The following CFAP47 variants were observed in gnomAD, a reference collection of about 807,000 sequenced individuals.
CFAP47 encodes cilia and flagella associated protein 47.
CFAP47 carries 29 observed loss-of-function variants against 148.1 expected under a neutral mutation model. That is an observed-to-expected ratio of 0.20 (90% CI 0.15 to 0.27). The LOEUF is 0.27. CFAP47 is among the 10% of genes least tolerant of loss of function. The probability of loss-of-function intolerance (pLI) is 1.00; values close to 1 mark genes in which losing one functional copy is unlikely to be tolerated. For synonymous variants in CFAP47, 664 were observed against 577.3 expected (o/e 1.15, Z -2.15); for missense variants, 1,872 against 1,697.5 (o/e 1.10, Z -1.81).
At chrX:36,099,546 G>A (rs187049179) in intron 31 of CFAP47, among the ~76,000 whole-genome samples, 6 of 106,775 alleles carry the variant, frequency 5.6e-5, no homozygotes, top group Admixed American at 1.1e-4. Flanking sequence ...TAGTAGGTGC[G>A]TTGAATGAAT....
intron 21 of CFAP47, among the ~76,000 whole-genome samples, chrX:36,012,841 A>G (rs1937054630): frequency 9.0e-6 from 1 of 111,652 alleles, no homozygotes; most frequent in African/African-American, 3.3e-5. Flanking sequence ...AATTAAATTA[A>G]GTTAAAAAAA....
intron 62 of CFAP47, among the ~76,000 whole-genome samples, chrX:36,374,135 A>C (rs1389033747): frequency 9.0e-6 from 1 of 110,917 alleles, no homozygotes; most frequent in Non-Finnish European, 1.9e-5. Flanking sequence ...ATCTTCTTTG[A>C]ATATTTAGTA....
intron 1 of CFAP47, among the ~76,000 whole-genome samples, chrX:35,924,161 GTA>G (rs1393128352): frequency 9.8e-6 from 1 of 101,776 alleles, no homozygotes; most frequent in African/African-American, 3.9e-5. Context: ...GTACATATAT[GTA>G]TATATGTACA....
chrX:36,136,448 C>G (rs1322798292), intron 33 of CFAP47, among the ~76,000 whole-genome samples: 1 of 110,147 alleles, frequency 9.1e-6, no homozygotes, highest in Non-Finnish European at 1.9e-5. Context: ...TTTTTCAGAT[C>G]AAAAGTTATC....
chrX:35,982,270 T>A (rs1432628815), intron 15 of CFAP47, among the ~76,000 whole-genome samples: 1 of 111,935 alleles, frequency 8.9e-6, no homozygotes, highest in East Asian at 2.8e-4. Context: ...TGATTAGTGA[T>A]GTTGAGAATT....
intron 2 of CFAP47, among the ~76,000 whole-genome samples, chrX:35,930,542 A>G (rs760222453): frequency 2.2e-4 from 24 of 111,577 alleles, no homozygotes; most frequent in Non-Finnish European, 3.0e-4. Flanking sequence ...AATTATTTAA[A>G]TGGTAGAATT....
chrX:36,046,572 T>C (rs765556369), intron 25 of CFAP47, among the ~76,000 whole-genome samples: 33 of 111,286 alleles, frequency 3.0e-4, no homozygotes, highest in Non-Finnish European at 6.2e-4. Context: ...ATCATGATGG[T>C]GATTAAGAAA....
At chrX:36,004,822 A>G (rs1936962456) in intron 21 of CFAP47, among the ~76,000 whole-genome samples, 1 of 110,823 alleles carries the variant, frequency 9.0e-6, no homozygotes, top group South Asian at 3.8e-4. Flanking sequence ...ACAATTCTGT[A>G]AATTTACTAA....
At chrX:35,959,878 C>CAAAAAAAA (rs755201291) in intron 8 of CFAP47, among the ~76,000 whole-genome samples, 2 of 30,397 alleles carry the variant, frequency 6.6e-5, no homozygotes, top group African/African-American at 2.5e-4. Context: ...GACTCCGTCT[C>CAAAAAAAA]AAAAAAAAAA....
chrX:36,355,291 A>C (rs1556018275), intron 60 of CFAP47, among the ~76,000 whole-genome samples: 1 of 111,476 alleles, frequency 9.0e-6, no homozygotes, highest in Non-Finnish European at 1.9e-5. Flanking sequence ...CTGCTATGGA[A>C]AACAGTCTAA....
At chrX:36,135,109 G>T (rs1423781743) in intron 33 of CFAP47, among the ~76,000 whole-genome samples, 3 of 110,466 alleles carry the variant, frequency 2.7e-5, no homozygotes, top group Non-Finnish European at 5.7e-5. Flanking sequence ...GCGTAAGAAT[G>T]ATACAATGGA....
intron 35 of CFAP47, among the ~76,000 whole-genome samples, chrX:36,143,165 G>C (rs1939173311): frequency 8.9e-6 from 1 of 112,429 alleles, no homozygotes; most frequent in African/African-American, 3.2e-5. Context: ...TATACTCACA[G>C]TTAGCTTTCT....
chrX:36,370,890 C>T (rs1438638024), intron 62 of CFAP47, among the ~76,000 whole-genome samples: 1 of 111,122 alleles, frequency 9.0e-6, no homozygotes, highest in Non-Finnish European at 1.9e-5. Flanking sequence ...ATACATTTTT[C>T]TTGTGTGCTG....
At chrX:36,255,176 G>GATA (rs1940735678) in intron 49 of CFAP47, among the ~76,000 whole-genome samples, 1 of 111,774 alleles carries the variant, frequency 8.9e-6, no homozygotes. Flanking sequence ...ACTAGGCAAT[G>GATA]ATAATGAATT....
At chrX:36,363,823 A>T (rs1486842444) in intron 61 of CFAP47, among the ~76,000 whole-genome samples, 1 of 111,914 alleles carries the variant, frequency 8.9e-6, no homozygotes, top group African/African-American at 3.2e-5. Context: ...GGTATTACAA[A>T]AGAAATGCAG....
intron 3 of CFAP47, among the ~76,000 whole-genome samples, chrX:35,942,030 G>C (rs1169927765): frequency 1.6e-5 from 1 of 63,101 alleles, no homozygotes; most frequent in African/African-American, 1.7e-4. Context: ...GTGTGTGTCT[G>C]TGTGTGTGTG....
At chrX:36,138,318 C>T (rs1939079769) in intron 34 of CFAP47, 30 bp from the exon 35 acceptor site, 2 of 1,078,740 alleles carry the variant, frequency 1.9e-6, no homozygotes, top group Non-Finnish European at 1.2e-6. Flanking sequence ...TATTCCATTA[C>T]CAAAAGGTTT....
At chrX:36,116,272 T>G (rs1938638351) in intron 33 of CFAP47, among the ~76,000 whole-genome samples, 1 of 111,815 alleles carries the variant, frequency 8.9e-6, no homozygotes, top group South Asian at 3.7e-4. Context: ...TATATCCATG[T>G]GCACCCATTG....
At chrX:36,288,290 A>C (rs188657108) in intron 51 of CFAP47, among the ~76,000 whole-genome samples, 1 of 112,213 alleles carries the variant, frequency 8.9e-6, no homozygotes, top group African/African-American at 3.2e-5. Context: ...GTTAGTATAA[A>C]GTATTTAGGA....
Sources: gnomAD v4.1 joint callset for allele counts (sites outside exome capture counted in the v4.1 genomes callset) on GRCh38, gnomAD v4.1.1 for gene constraint, MANE v1.5 for transcripts, NCBI Gene and HGNC (gene_info 2026-07-23, HGNC 2026-07-21) for gene names.